BORA: variants seen among roughly 807,000 people sequenced by gnomAD.
BORA encodes BORA aurora kinase A activator, also known as protein aurora borealis.
BORA carries 26 observed loss-of-function variants against 55.8 expected under a neutral mutation model. That is an observed-to-expected ratio of 0.47 (90% CI 0.34 to 0.65). The LOEUF (loss-of-function observed/expected upper bound fraction) is 0.65, where lower values mean the gene tolerates loss of function less well. Among genes scored for constraint, BORA ranks in the 30% least tolerant of loss-of-function variants. BORA has a pLI of 0.01. For missense variants in BORA, 568 were observed against 671.5 expected (o/e 0.85, Z 1.70); for synonymous variants, 201 against 216.9 (o/e 0.93, Z 0.64).
intron 2 of BORA, 73 bp downstream of exon 2, chr13:72,729,166 A>T: frequency 7.9e-7 from 1 of 1,259,604 alleles, no homozygotes; most frequent in Non-Finnish European, 1.1e-6. Flanking sequence ...AAATGTAAAC[A>T]TCTGTCTTTA....
chr13:72,753,594 C>A, intron 10 of BORA, 96 bp from the exon 11 acceptor site: 1 of 1,254,254 alleles, frequency 8.0e-7, no homozygotes, highest in Non-Finnish European at 1.1e-6. Flanking sequence ...TAGGATCATT[C>A]AGATGTAGTG....
intron 10 of BORA, 169 bp from the exon 11 acceptor site, chr13:72,753,520 AG>A: frequency 3.2e-6 from 2 of 629,278 alleles, no homozygotes; most frequent in East Asian, 5.7e-5. Flanking sequence ...AGTACTATGC[AG>A]GACTACCTTT....
At chr13:72,744,945 G>T in intron 7 of BORA, 36 bp from the exon 8 acceptor site, 2 of 1,573,832 alleles carry the variant, frequency 1.3e-6, no homozygotes, top group South Asian at 2.2e-5. Flanking sequence ...CCTTTAAAAT[G>T]ACTAGCTTTG....
At chr13:72,751,601 G>T (rs1361816369) in intron 10 of BORA, among the ~76,000 whole-genome samples, 1 of 152,182 alleles carries the variant, frequency 6.6e-6, no homozygotes, top group South Asian at 2.1e-4. Context: ...AGGGTAGGGG[G>T]AGCAGGGATA....
Position 72,746,621 on chromosome 13 carries a change from C to G in BORA, c.992C>G (p.Ser331Cys), listed in dbSNP as rs1227443379. 6.2e-7 allele frequency: 1 copy of G among 1,614,100 alleles called. No individual in the cohort carries two copies. Among genetic ancestry groups the G allele is most frequent in the African/African-American group, 1.3e-5 (1 of 75,050 alleles). Residue 331 changes from serine (S) to cysteine (C), a missense_variant, in exon 10 of 12, where the codon TCT becomes TGT. Physicochemically the swap from Ser to Cys is moderately radical, Grantham distance 112. Transcript: ENST00000390667. ...IDGCSPIKNW[S>C]PMRLQMYSGG... ...GGCTGCTCGCCAATTAAAAATTGGT[C>G]TCCTATGAGACTTCAGATGTATAGT...
chr13:72,755,390 T>G lies in BORA; in HGVS notation c.*174T>G. ...GACATAGGAACAACAGAAATGCTCC[T>G]GGAACTTCAAGTTGCTGAATTATAA... On this transcript the variant is annotated 3_prime_UTR_variant, in exon 12 of 12. Transcript: ENST00000390667. 3.7e-6 allele frequency: 2 copies of G among 538,264 alleles called. No individual in the cohort carries two copies. Among genetic ancestry groups the G allele is most frequent in the Non-Finnish European group, 6.5e-6 (2 of 305,702 alleles). 33.3% of individuals were successfully genotyped at this position (538,264 alleles called of 1,614,324 possible). A position where few individuals can be genotyped will look rare whatever the true frequency, so the allele number is the denominator to read the frequency against.
intron 11 of BORA, chr13:72,754,130 CTT>C (rs1056155683): frequency 1.5e-5 from 3 of 198,658 alleles, no homozygotes; most frequent in African/African-American, 7.0e-5. Flanking sequence ...TCAGGACAGT[CTT>C]TAATTTTATG....
intron 11 of BORA, chr13:72,754,042 T>C (rs963084307): frequency 3.0e-5 from 13 of 436,638 alleles, no homozygotes; most frequent in African/African-American, 2.2e-4. Context: ...GTGTATTTGA[T>C]GAGGGCATTT....
chr13:72,755,482 C>T lies in BORA; in HGVS notation c.*266C>T. 1 of 443,122 alleles carries T rather than the reference C, an allele frequency of 2.3e-6. No individual in the cohort carries two copies. Among genetic ancestry groups the T allele is most frequent in the South Asian group, 3.8e-5 (1 of 26,554 alleles). 27.4% of individuals were successfully genotyped at this position (443,122 alleles called of 1,614,324 possible). ...TGATGTGTTTAACAACAAATTGTGA[C>T]AGAGCTGAGTGCTCCTATCTTACAG... is the stretch of plus-strand genomic sequence containing the variant. On this transcript the variant is annotated 3_prime_UTR_variant, in exon 12 of 12. Coordinates refer to ENST00000390667, the MANE Select transcript of BORA (RefSeq NM_024808.5).
At chr13:72,730,907 A>AAAAAAC (rs1566218609) in intron 2 of BORA, among the ~76,000 whole-genome samples, 6 of 55,070 alleles carry the variant, frequency 1.1e-4, no homozygotes, top group Non-Finnish European at 2.9e-4. Flanking sequence ...AAAAAAAAAA[A>AAAAAAC]AAATACAAAA....
intron 10 of BORA, among the ~76,000 whole-genome samples, chr13:72,751,682 C>T (rs867780107): frequency 1.3e-5 from 2 of 152,030 alleles, no homozygotes; most frequent in South Asian, 2.1e-4. Flanking sequence ...TAGCTCTATA[C>T]GGTGAGTGTA....
At chr13:72,735,796 A>G (rs2032912681) in intron 4 of BORA, among the ~76,000 whole-genome samples, 1 of 151,860 alleles carries the variant, frequency 6.6e-6, no homozygotes, top group Non-Finnish European at 1.5e-5. Context: ...TTTAGTAGAG[A>G]CGGGATTTCT....
chr13:72,747,241 A>G (rs1252252851), intron 10 of BORA, 130 bp downstream of exon 10: 1 of 936,964 alleles, frequency 1.1e-6, no homozygotes, highest in African/African-American at 1.7e-5. Flanking sequence ...TTTTTTAAAA[A>G]TATTAATACC....
intron 2 of BORA, 152 bp from the exon 3 acceptor site, chr13:72,731,129 G>A (rs2032806636): frequency 1.7e-6 from 1 of 590,376 alleles, no homozygotes. Flanking sequence ...ATTACCCTTT[G>A]CCATTTAATT....
intron 5 of BORA, among the ~76,000 whole-genome samples, chr13:72,742,801 C>A (rs868726223): frequency 8.5e-6 from 1 of 117,930 alleles, no homozygotes; most frequent in East Asian, 2.3e-4. Context: ...CACACACACA[C>A]ACACACACAC....
intron 2 of BORA, among the ~76,000 whole-genome samples, chr13:72,729,335 G>A (rs1188855001): frequency 1.3e-5 from 2 of 151,822 alleles, no homozygotes; most frequent in Non-Finnish European, 2.9e-5. Flanking sequence ...GCAGTTGTGG[G>A]TGTAGCTACA....
intron 4 of BORA, among the ~76,000 whole-genome samples, chr13:72,737,444 G>A (rs561405545): frequency 6.6e-6 from 1 of 152,284 alleles, no homozygotes; most frequent in African/African-American, 2.4e-5. Context: ...AGCAAGTGGT[G>A]AGTTTTGGAT....
In BORA at chr13:72,746,822, A is replaced by G. The variant is rs879066700; in HGVS notation, c.1193A>G (p.His398Arg). The change falls in exon 10 of 12, where the codon CAT (histidine) becomes CGT (arginine). Residue 398 changes from histidine (H) to arginine (R), a missense_variant. Coordinates refer to ENST00000390667, the MANE Select transcript of BORA (RefSeq NM_024808.5). ...AATGAGGCTTCTACCCATGGTACACATTTGGTTGTGACTGCCATGTCTGTT... is the reference window on the plus strand; with the variant it reads ...AATGAGGCTTCTACCCATGGTACACGTTTGGTTGTGACTGCCATGTCTGTT... ...FSNEASTHGT[H>R]LVVTAMSVTQ... The G allele has an allele frequency of 1.2e-6, 2 of 1,614,166 alleles. No homozygotes were observed. The highest frequency in any genetic ancestry group is 2.2e-5 in the South Asian group (2 of 91,086).
At chr13:72,750,974 T>C (rs552651009) in intron 10 of BORA, among the ~76,000 whole-genome samples, 6 of 152,144 alleles carry the variant, frequency 3.9e-5, no homozygotes, top group Non-Finnish European at 8.8e-5. Context: ...TTAAAGAACA[T>C]GGGCTTGGGA....
Sources: allele counts gnomAD v4.1 joint callset (sites outside exome capture counted in the v4.1 genomes callset), GRCh38; gene constraint gnomAD v4.1.1; transcripts MANE v1.5; gene names NCBI Gene and HGNC (gene_info 2026-07-23, HGNC 2026-07-21).